Variants in ATG13 observed in about 807,000 individuals in gnomAD.
The protein encoded by ATG13 is autophagy related 13, also known as autophagy-related protein 13.
In ATG13, 23 loss-of-function variants were observed where a neutral mutation model predicts 65.5. The ratio of observed to expected loss-of-function variants is 0.35; its 90% CI spans 0.25 to 0.50. ATG13 has a LOEUF of 0.50. Ranked by LOEUF, ATG13 falls within the 20% of genes least tolerant of loss-of-function variation. The probability of loss-of-function intolerance (pLI) is 0.98; values close to 1 mark genes in which losing one functional copy is unlikely to be tolerated. For missense variants in ATG13, 566 were observed against 677.0 expected (o/e 0.84, Z 1.82); for synonymous variants, 252 against 245.2 (o/e 1.03, Z -0.26).
chr11:46,669,592 A>G (rs759941312), intron 18 of ATG13, 60 bp downstream of exon 18: 11 of 1,591,470 alleles, frequency 6.9e-6, no homozygotes, highest in Middle Eastern at 1.8e-4. Flanking sequence ...TCCTTTGCCA[A>G]AGGCCTAGGA....
Position 46,645,335 on chromosome 11 carries a change from T to C in ATG13, c.70-4T>C. On this transcript the variant is annotated splice_region_variant and splice_polypyrimidine_tract_variant and intron_variant, in intron 3 of 18. Coordinates refer to ENST00000683050, the MANE Select transcript of ATG13 (RefSeq NM_001346311.2). Reference sequence around the variant, plus strand: ...GATTTCTTTTGTGTTTTTTTTTTCTTTAGACTGTCCAAGTGATTGTCCAGG... The same window carrying C: ...GATTTCTTTTGTGTTTTTTTTTTCTCTAGACTGTCCAAGTGATTGTCCAGG... The C allele has an allele frequency of 3.1e-6, 5 of 1,609,314 alleles. No individual in the cohort carries two copies. The highest frequency in any genetic ancestry group is 4.2e-6 in the Non-Finnish European group (5 of 1,178,664).
At chr11:46,643,040 G>A (rs1426276320) in intron 2 of ATG13, among the ~76,000 whole-genome samples, 1 of 152,200 alleles carries the variant, frequency 6.6e-6, no homozygotes, top group South Asian at 2.1e-4. Flanking sequence ...TCAGAGTCAG[G>A]TCTGTTTATG....
At chr11:46,667,190 A>G (rs984605146) in intron 14 of ATG13, among the ~76,000 whole-genome samples, 1 of 152,062 alleles carries the variant, frequency 6.6e-6, no homozygotes, top group Non-Finnish European at 1.5e-5. Flanking sequence ...TGACTGCACA[A>G]TCCTCCTGCC....
chr11:46,619,030 T>C (rs916565096), intron 1 of ATG13, among the ~76,000 whole-genome samples: 9 of 152,280 alleles, frequency 5.9e-5, no homozygotes, highest in Admixed American at 1.3e-4. Context: ...AGGTGTGGAA[T>C]ATTCGAAAGT....
intron 2 of ATG13, among the ~76,000 whole-genome samples, chr11:46,635,483 A>T (rs1297640873): frequency 6.6e-6 from 1 of 152,150 alleles, no homozygotes; most frequent in Non-Finnish European, 1.5e-5. Context: ...TCTCTTTTTT[A>T]AAAAATTGCA....
rs755311750 is a variant in ATG13 at position 46,664,805 on chromosome 11, T to C, written c.889-44T>C. The C allele has an allele frequency of 3.0e-5, 46 of 1,559,252 alleles. No individual in the cohort carries two copies. In the South Asian group the frequency reaches 4.2e-4, roughly 14 times the overall value. On this transcript the variant is annotated intron_variant, in intron 12 of 18. Coordinates refer to ENST00000683050, the MANE Select transcript of ATG13 (RefSeq NM_001346311.2). ...GTCACGCTCTGGGATTGCCTATTTTTTCCTTGCCTTTCCTTTTCTCCTCTT... is the reference window on the plus strand; with the variant it reads ...GTCACGCTCTGGGATTGCCTATTTTCTCCTTGCCTTTCCTTTTCTCCTCTT...
At chr11:46,629,415 G>T (rs1266660683) in intron 1 of ATG13, among the ~76,000 whole-genome samples, 15 of 151,744 alleles carry the variant, frequency 9.9e-5, no homozygotes, top group Admixed American at 9.9e-4. Context: ...GTTTTTTTCC[G>T]AGACAGAGTC....
chr11:46,650,053 A>G (rs2058592554), intron 6 of ATG13, 124 bp from the exon 7 acceptor site: 2 of 1,063,260 alleles, frequency 1.9e-6, no homozygotes, highest in Non-Finnish European at 2.6e-6. Context: ...TACCTCAGTA[A>G]TCTGTTGATA....
intron 1 of ATG13, among the ~76,000 whole-genome samples, chr11:46,620,836 AAAGT>A (rs891385374): frequency 1.3e-5 from 2 of 152,136 alleles, no homozygotes; most frequent in Admixed American, 6.6e-5. Flanking sequence ...CTCCTCAGTA[AAAGT>A]AAAGGTAAAT....
chr11:46,667,292 G>T (rs545716428), intron 14 of ATG13, among the ~76,000 whole-genome samples: 1 of 152,148 alleles, frequency 6.6e-6, no homozygotes, highest in Non-Finnish European at 1.5e-5. Flanking sequence ...ACAGCCATGG[G>T]CCCCCACTGC....
rs1565374185 is a variant in ATG13 at position 46,617,872 on chromosome 11, T to C, written c.-88T>C. ...CGTAATGAGAGCCCGGAACCACTCT[T>C]TGTGCCGCAGCTTCGCAGGTACTAA... is the stretch of plus-strand genomic sequence containing the variant. On this transcript the variant is annotated 5_prime_UTR_variant, in exon 1 of 19. Coordinates refer to ENST00000683050, the MANE Select transcript of ATG13 (RefSeq NM_001346311.2). 2 of 399,080 alleles carry C rather than the reference T, an allele frequency of 5.0e-6. No homozygotes were observed. The highest frequency in any genetic ancestry group is 8.8e-6 in the Non-Finnish European group (2 of 226,098). The allele number at this position is 399,080 out of a possible 1,614,324, so 24.7% of individuals were successfully genotyped here. A position where few individuals can be genotyped will look rare whatever the true frequency, so the allele number is the denominator to read the frequency against.
At chr11:46,627,483 T>C (rs986375064) in intron 1 of ATG13, among the ~76,000 whole-genome samples, 20 of 152,218 alleles carry the variant, frequency 1.3e-4, no homozygotes, top group African/African-American at 4.8e-4. Context: ...TTAAAAGCTT[T>C]TTTTGAGAAG....
At chr11:46,634,407 CTTTTTT>C (rs113574145) in intron 2 of ATG13, among the ~76,000 whole-genome samples, 77 of 141,724 alleles carry the variant, frequency 5.4e-4, no homozygotes, top group African/African-American at 1.8e-3. Flanking sequence ...ATTTAGTTTT[CTTTTTT>C]TTTTTTTGAG....
chr11:46,644,582 A>C (rs2057039140), intron 3 of ATG13, among the ~76,000 whole-genome samples: 1 of 149,902 alleles, frequency 6.7e-6, no homozygotes, highest in Non-Finnish European at 1.5e-5. Flanking sequence ...GTTCAAAAAA[A>C]AAATTTTTTT....
chr11:46,637,471 C>G (rs1260206355), intron 2 of ATG13, among the ~76,000 whole-genome samples: 1 of 152,070 alleles, frequency 6.6e-6, no homozygotes, highest in Non-Finnish European at 1.5e-5. Context: ...TTCCAGGGTT[C>G]AAGTGATTCT....
intron 7 of ATG13, 147 bp from the exon 8 acceptor site, chr11:46,656,086 G>C: frequency 1.5e-6 from 1 of 664,052 alleles, no homozygotes; most frequent in Non-Finnish European, 2.6e-6. Context: ...AATTGAAGTA[G>C]TAGGAATTAC....
At chr11:46,668,151 A>G (rs1481754592) in intron 15 of ATG13, among the ~76,000 whole-genome samples, 1 of 152,224 alleles carries the variant, frequency 6.6e-6, no homozygotes, top group Non-Finnish European at 1.5e-5. Context: ...TAGTACAAAA[A>G]CACTACACTG....
At chr11:46,665,043 G>A in intron 13 of ATG13, 84 bp downstream of exon 13, 1 of 1,329,516 alleles carries the variant, frequency 7.5e-7, no homozygotes, top group Non-Finnish European at 1.1e-6. Flanking sequence ...TCAAGGCAGA[G>A]GGATATGTTC....
intron 8 of ATG13, 162 bp from the exon 9 acceptor site, chr11:46,656,923 GCACATACACA>G (rs973725927): frequency 8.4e-6 from 5 of 593,604 alleles, no homozygotes; most frequent in Middle Eastern, 2.8e-4. Context: ...ACACATACAC[GCACATACACA>G]CACACACACA....
Sources: gnomAD v4.1 joint callset for allele counts (sites outside exome capture counted in the v4.1 genomes callset) on GRCh38, gnomAD v4.1.1 for gene constraint, MANE v1.5 for transcripts, NCBI Gene and HGNC (gene_info 2026-07-23, HGNC 2026-07-21) for gene names.